The following LRP1B variants were observed in gnomAD, a reference collection of about 807,000 sequenced individuals.
LRP1B encodes low-density lipoprotein receptor-related protein 1B.
A neutral mutation model predicts 556.6 loss-of-function variants in LRP1B; 217 were observed. The observed-to-expected ratio is 0.39, with a 90% CI of 0.35 to 0.44. LRP1B has a LOEUF of 0.44. Ranked by LOEUF, LRP1B falls within the 20% of genes least tolerant of loss-of-function variation. The pLI is 1.00. For missense variants in LRP1B, 5,053 were observed against 5,620.8 expected, an observed-to-expected ratio of 0.90 and a Z score of 3.23; for synonymous variants, 2,047 against 1,865.8, an observed-to-expected ratio of 1.10 and a Z score of -2.50.
intron 2 of LRP1B, among the ~76,000 whole-genome samples, chr2:141,630,729 T>G (rs1419665091): frequency 6.6e-6 from 1 of 152,346 alleles, no homozygotes; most frequent in East Asian, 1.9e-4. Flanking sequence ...GGTTAGAAAT[T>G]TCCTTGCAAG....
intron 1 of LRP1B, among the ~76,000 whole-genome samples, chr2:141,978,685 TGG>T (rs1221305358): frequency 6.6e-6 from 1 of 151,924 alleles, no homozygotes; most frequent in African/African-American, 2.4e-5. Flanking sequence ...TGAGACTGTG[TGG>T]AATATAAATA....
intron 2 of LRP1B, among the ~76,000 whole-genome samples, chr2:141,662,631 T>C (rs778803004): frequency 3.3e-4 from 50 of 152,284 alleles, no homozygotes; most frequent in Non-Finnish European, 5.4e-4. Flanking sequence ...AAGAGCTAAC[T>C]ATCCTACATA....
At chr2:140,274,340 A>G in intron 85 of LRP1B, 84 bp downstream of exon 85, 1 of 1,233,064 alleles carries the variant, frequency 8.1e-7, no homozygotes, top group South Asian at 1.3e-5. Flanking sequence ...AAAACAATCT[A>G]CAAAGTTTTT....
chr2:142,114,061 A>G (rs1296334257), intron 1 of LRP1B, among the ~76,000 whole-genome samples: 1 of 152,030 alleles, frequency 6.6e-6, no homozygotes, highest in African/African-American at 2.4e-5. Context: ...CTACTTATCT[A>G]TGCACTCCCT....
chr2:140,577,698 T>G (rs1053591055), intron 43 of LRP1B, among the ~76,000 whole-genome samples: 1 of 152,108 alleles, frequency 6.6e-6, no homozygotes, highest in African/African-American at 2.4e-5. Context: ...TGCTGAGATA[T>G]GGACATGAGC....
chr2:141,840,411 C>T (rs1469536717), intron 1 of LRP1B, among the ~76,000 whole-genome samples: 2 of 151,768 alleles, frequency 1.3e-5, no homozygotes, highest in Non-Finnish European at 2.9e-5. Flanking sequence ...CTGCAGGCAC[C>T]CGCCACTACG....
intron 11 of LRP1B, among the ~76,000 whole-genome samples, chr2:141,042,988 T>C (rs1167660975): frequency 1.4e-5 from 2 of 146,514 alleles, no homozygotes; most frequent in Non-Finnish European, 3.0e-5. Context: ...GCCCAGGAGT[T>C]TGCAACCAGC....
At chr2:141,157,151 G>A (rs138832682) in intron 7 of LRP1B, among the ~76,000 whole-genome samples, 4 of 152,180 alleles carry the variant, frequency 2.6e-5, no homozygotes, top group East Asian at 1.9e-4. Flanking sequence ...TAAAAAGTAT[G>A]TGTAACAGGA....
intron 1 of LRP1B, among the ~76,000 whole-genome samples, chr2:142,045,258 T>C (rs2105221890): frequency 6.6e-6 from 1 of 151,932 alleles, no homozygotes; most frequent in South Asian, 2.1e-4. Flanking sequence ...TTTAGATTTC[T>C]ACTTTTAAAT....
At chr2:141,657,416 C>T (rs560307663) in intron 2 of LRP1B, among the ~76,000 whole-genome samples, 1 of 152,066 alleles carries the variant, frequency 6.6e-6, no homozygotes, top group South Asian at 2.1e-4. Flanking sequence ...ACTCAAATAT[C>T]CAATTTTCAT....
chr2:140,423,883 A>G (rs1211013732), intron 66 of LRP1B, among the ~76,000 whole-genome samples: 1 of 152,196 alleles, frequency 6.6e-6, no homozygotes, highest in Non-Finnish European at 1.5e-5. Flanking sequence ...GAAAGACATA[A>G]TATCACTAAT....
intron 1 of LRP1B, among the ~76,000 whole-genome samples, chr2:142,079,624 C>T (rs149962020): frequency 0.011 from 1,697 of 152,180 alleles, 36 homozygotes; most frequent in African/African-American, 0.039. Context: ...ATTCTCCTGC[C>T]TCAGCATCCT....
intron 35 of LRP1B, among the ~76,000 whole-genome samples, chr2:140,731,764 C>CAAAAAAAAAAAAAA (rs36060787): frequency 3.4e-5 from 2 of 59,400 alleles, no homozygotes; most frequent in African/African-American, 1.2e-4. Flanking sequence ...GAGACTCCGT[C>CAAAAAAAAAAAAAA]AAAAAAAAAA....
intron 18 of LRP1B, among the ~76,000 whole-genome samples, chr2:140,955,308 T>C (rs1695840725): frequency 6.6e-6 from 1 of 151,950 alleles, no homozygotes; most frequent in Non-Finnish European, 1.5e-5. Context: ...AAATAGCATC[T>C]GAATATATGG....
chr2:140,450,778 T>A, intron 62 of LRP1B, 117 bp from the exon 63 acceptor site: 1 of 647,868 alleles, frequency 1.5e-6, no homozygotes. Context: ...TGAACAATGG[T>A]GATTTTGGAA....
intron 1 of LRP1B, among the ~76,000 whole-genome samples, chr2:141,932,841 T>TA (rs1490313883): frequency 2.6e-5 from 4 of 151,976 alleles, no homozygotes; most frequent in Non-Finnish European, 4.4e-5. Flanking sequence ...CTGTATAAAA[T>TA]AAAAGAGAAG....
intron 1 of LRP1B, among the ~76,000 whole-genome samples, chr2:141,982,050 A>G (rs981184829): frequency 2.0e-5 from 3 of 152,132 alleles, no homozygotes; most frequent in African/African-American, 7.2e-5. Context: ...CCAAGTAAAA[A>G]TTTTGGGGGG....
intron 1 of LRP1B, among the ~76,000 whole-genome samples, chr2:142,104,683 T>G (rs1243459202): frequency 6.6e-6 from 1 of 152,196 alleles, no homozygotes; most frequent in Non-Finnish European, 1.5e-5. Flanking sequence ...AACCTGTCTC[T>G]CTTCAGCTCA....
chr2:141,392,759 T>G (rs1482007695), intron 3 of LRP1B, among the ~76,000 whole-genome samples: 1 of 152,192 alleles, frequency 6.6e-6, no homozygotes, highest in East Asian at 1.9e-4. Flanking sequence ...AGGGACTTAG[T>G]GAGATCAGAC....
Sources: gnomAD v4.1 joint callset for allele counts (sites outside exome capture counted in the v4.1 genomes callset) on GRCh38, gnomAD v4.1.1 for gene constraint, MANE v1.5 for transcripts, NCBI Gene and HGNC (gene_info 2026-07-23, HGNC 2026-07-21) for gene names.